Variants in GALNTL6 observed in about 807,000 individuals in gnomAD.
GALNTL6 encodes the protein polypeptide N-acetylgalactosaminyltransferase like 6, also known as polypeptide N-acetylgalactosaminyltransferase-like 6.
GALNTL6 carries 46 observed loss-of-function variants against 73.7 expected under a neutral mutation model. That is an observed-to-expected ratio of 0.62 (90% CI 0.49 to 0.80). The LOEUF (loss-of-function observed/expected upper bound fraction) is 0.80, where lower values mean the gene tolerates loss of function less well. GALNTL6 is among the 30% of genes least tolerant of loss of function. GALNTL6 has a pLI of 0.00. For synonymous variants in GALNTL6, 259 were observed against 263.7 expected (o/e 0.98, Z 0.17); for missense variants, 604 against 755.0 (o/e 0.80, Z 2.34).
intron 5 of GALNTL6, among the ~76,000 whole-genome samples, chr4:172,377,833 C>T (rs138374760): frequency 0.025 from 3,750 of 152,214 alleles, 157 homozygotes; most frequent in African/African-American, 0.084. Flanking sequence ...GCTCTGAGTG[C>T]GGGGCCTGCT....
chr4:172,607,108 T>C (rs1738334370), intron 5 of GALNTL6, among the ~76,000 whole-genome samples: 1 of 152,024 alleles, frequency 6.6e-6, no homozygotes, highest in African/African-American at 2.4e-5. Context: ...CTTGGAAGTA[T>C]TTCTGGTCAC....
intron 5 of GALNTL6, among the ~76,000 whole-genome samples, chr4:172,769,202 G>T (rs1738616748): frequency 6.6e-6 from 1 of 152,106 alleles, no homozygotes; most frequent in Non-Finnish European, 1.5e-5. Context: ...AGAGTAGTTA[G>T]AGTAGCACAA....
At chr4:171,965,442 G>A (rs527853449) in intron 2 of GALNTL6, among the ~76,000 whole-genome samples, 1 of 152,068 alleles carries the variant, frequency 6.6e-6, no homozygotes, top group Non-Finnish European at 1.5e-5. Context: ...GGATCACAAG[G>A]TCAGGAGATC....
At chr4:172,591,246 C>T (rs1737625569) in intron 5 of GALNTL6, among the ~76,000 whole-genome samples, 1 of 152,152 alleles carries the variant, frequency 6.6e-6, no homozygotes, top group African/African-American at 2.4e-5. Context: ...GGATCACTTA[C>T]AATGACAGAC....
intron 2 of GALNTL6, chr4:171,815,064 A>G (rs867681796): frequency 1.8e-5 from 7 of 396,380 alleles, no homozygotes; most frequent in South Asian, 8.9e-5. Flanking sequence ...TTTAATGACA[A>G]GGATAGGTTT....
intron 5 of GALNTL6, among the ~76,000 whole-genome samples, chr4:172,468,683 G>A (rs1732930962): frequency 6.6e-6 from 1 of 152,178 alleles, no homozygotes; most frequent in Non-Finnish European, 1.5e-5. Flanking sequence ...GTGGTAGGTT[G>A]TAAGTCAAGC....
intron 10 of GALNTL6, among the ~76,000 whole-genome samples, chr4:172,957,040 C>T (rs1749784790): frequency 6.6e-6 from 1 of 152,202 alleles, no homozygotes; most frequent in South Asian, 2.1e-4. Context: ...GGAAAGGCCT[C>T]TACCTATCCA....
chr4:172,064,118 T>A (rs922634778), intron 2 of GALNTL6, among the ~76,000 whole-genome samples: 5 of 152,236 alleles, frequency 3.3e-5, no homozygotes, highest in Non-Finnish European at 5.9e-5. Flanking sequence ...TTTGGTGATA[T>A]CACCTGCTAA....
At chr4:172,680,559 A>G (rs965152708) in intron 5 of GALNTL6, among the ~76,000 whole-genome samples, 1 of 152,134 alleles carries the variant, frequency 6.6e-6, no homozygotes, top group Admixed American at 6.5e-5. Context: ...AAGTCACTTC[A>G]GCTTCTTTCA....
intron 5 of GALNTL6, among the ~76,000 whole-genome samples, chr4:172,704,910 G>A (rs1734237893): frequency 6.6e-6 from 1 of 151,880 alleles, no homozygotes; most frequent in South Asian, 2.1e-4. Context: ...TTCTTGCCAA[G>A]TTGACTCTGT....
At chr4:171,957,608 A>G (rs1739088680) in intron 2 of GALNTL6, among the ~76,000 whole-genome samples, 2 of 152,234 alleles carry the variant, frequency 1.3e-5, no homozygotes, top group African/African-American at 4.8e-5. Flanking sequence ...TCTAGTTATC[A>G]ACGCATTGCG....
chr4:172,322,842 A>G (rs566126089), intron 4 of GALNTL6, among the ~76,000 whole-genome samples: 1 of 152,242 alleles, frequency 6.6e-6, no homozygotes, highest in African/African-American at 2.4e-5. Context: ...TCAATGGAGA[A>G]TAAGAAAAAA....
chr4:172,897,619 CT>C (rs1319575033), intron 8 of GALNTL6, among the ~76,000 whole-genome samples: 1 of 152,172 alleles, frequency 6.6e-6, no homozygotes, highest in East Asian at 1.9e-4. Flanking sequence ...CATGCTTGAA[CT>C]TGGAAGCAAG....
At chr4:172,145,050 C>T (rs1733893855) in intron 2 of GALNTL6, among the ~76,000 whole-genome samples, 1 of 152,064 alleles carries the variant, frequency 6.6e-6, no homozygotes, top group Non-Finnish European at 1.5e-5. Flanking sequence ...CTCAACCTCC[C>T]AGCCTTAGGT....
chr4:172,431,461 G>C lies in GALNTL6; in HGVS notation c.553+82772G>C, dbSNP rs335976. Among the ~76,000 whole-genome samples the C allele has an allele frequency of 9.2e-3, 1,405 of 152,148 alleles. 27 individuals are homozygous for C. Among genetic ancestry groups the C allele is most frequent in the African/African-American group, 0.032 (1,327 of 41,514 alleles). On this transcript the variant is annotated intron_variant, in intron 5 of 12. Transcript: ENST00000506823. ...ATGGCTATTTACACCCCTTAATTAG[G>C]AAAACTATGTCAGCATATAAATACA...
chr4:172,300,616 T>C (rs1379076267), intron 3 of GALNTL6, among the ~76,000 whole-genome samples: 1 of 152,210 alleles, frequency 6.6e-6, no homozygotes, highest in Admixed American at 6.5e-5. Context: ...ATTTTATTTC[T>C]CCTTCACTTA....
chr4:172,594,017 C>T (rs536860961), intron 5 of GALNTL6, among the ~76,000 whole-genome samples: 2 of 152,250 alleles, frequency 1.3e-5, no homozygotes, highest in South Asian at 4.1e-4. Flanking sequence ...ATCTGATTTT[C>T]CTCCATGAGA....
intron 2 of GALNTL6, among the ~76,000 whole-genome samples, chr4:172,134,399 G>A (rs1181537805): frequency 6.6e-6 from 1 of 150,738 alleles, no homozygotes; most frequent in East Asian, 1.9e-4. Context: ...AAAAAAGGTA[G>A]TAACAGTGGA....
intron 3 of GALNTL6, among the ~76,000 whole-genome samples, chr4:172,308,432 C>T (rs1740234286): frequency 6.6e-6 from 1 of 151,886 alleles, no homozygotes; most frequent in Non-Finnish European, 1.5e-5. Context: ...TGTGAACTCC[C>T]TCCTGTCCCA....
Sources: gnomAD v4.1 joint callset for allele counts (sites outside exome capture counted in the v4.1 genomes callset) on GRCh38, gnomAD v4.1.1 for gene constraint, MANE v1.5 for transcripts, NCBI Gene and HGNC (gene_info 2026-07-23, HGNC 2026-07-21) for gene names.